B3GALT1: variants seen among roughly 807,000 people sequenced by gnomAD.
The protein encoded by B3GALT1 is UDP-Gal:betaGlcNAc beta 1,3-galactosyltransferase, polypeptide 1.
A neutral mutation model predicts 23.2 loss-of-function variants in B3GALT1; 10 were observed. That is an observed-to-expected ratio of 0.43 (90% CI 0.27 to 0.73). B3GALT1 has a LOEUF of 0.73. B3GALT1 is among the 30% of genes least tolerant of loss of function. The pLI is 0.21. For missense variants in B3GALT1, 299 were observed against 405.4 expected, an observed-to-expected ratio of 0.74 and a Z score of 2.25; for synonymous variants, 156 against 141.5, an observed-to-expected ratio of 1.10 and a Z score of -0.73.
intron 1 of B3GALT1, among the ~76,000 whole-genome samples, chr2:167,398,125 C>T (rs900010557): frequency 2.0e-5 from 3 of 152,018 alleles, no homozygotes; most frequent in African/African-American, 4.8e-5. Flanking sequence ...TATATAAATG[C>T]TTTATTCTTT....
At chr2:167,593,805 A>T (rs999676185) in intron 2 of B3GALT1, among the ~76,000 whole-genome samples, 5 of 152,238 alleles carry the variant, frequency 3.3e-5, no homozygotes, top group African/African-American at 1.2e-4. Context: ...TTTGGCAAGG[A>T]TGCTTTCAGG....
At chr2:167,857,384 A>G (rs1051735154) in intron 4 of B3GALT1, among the ~76,000 whole-genome samples, 1 of 152,116 alleles carries the variant, frequency 6.6e-6, no homozygotes, top group Non-Finnish European at 1.5e-5. Flanking sequence ...TTCAAGAGCA[A>G]TGTGAGTAGA....
intron 3 of B3GALT1, among the ~76,000 whole-genome samples, chr2:167,810,279 C>G (rs967570114): frequency 6.6e-6 from 1 of 150,866 alleles, no homozygotes; most frequent in South Asian, 2.1e-4. Context: ...TGCACTGCAC[C>G]CACTGTCCTG....
chr2:167,386,542 T>A (rs1463086037), intron 1 of B3GALT1, among the ~76,000 whole-genome samples: 1 of 152,102 alleles, frequency 6.6e-6, no homozygotes, highest in Non-Finnish European at 1.5e-5. Flanking sequence ...TCACCAGGTA[T>A]TGAAATTTTT....
chr2:167,662,074 TA>T (rs34648588), intron 3 of B3GALT1, among the ~76,000 whole-genome samples: 215 of 146,476 alleles, frequency 1.5e-3, no homozygotes, highest in South Asian at 6.2e-3. Context: ...TCAGAGATGT[TA>T]AAAAAAAAAA....
intron 3 of B3GALT1, among the ~76,000 whole-genome samples, chr2:167,717,485 T>C (rs1574228712): frequency 2.6e-5 from 1 of 38,686 alleles, no homozygotes; most frequent in Non-Finnish European, 4.9e-5. Context: ...TTATACATAG[T>C]TTTTTTTTTA....
At chr2:167,563,205 C>G (rs1301778440) in intron 2 of B3GALT1, among the ~76,000 whole-genome samples, 1 of 150,848 alleles carries the variant, frequency 6.6e-6, no homozygotes, top group African/African-American at 2.5e-5. Context: ...AGAGGGGCTC[C>G]TCACCTCCCA....
intron 2 of B3GALT1, among the ~76,000 whole-genome samples, chr2:167,566,869 C>T (rs976374384): frequency 6.6e-6 from 1 of 152,144 alleles, no homozygotes; most frequent in African/African-American, 2.4e-5. Flanking sequence ...AAATTGGTCT[C>T]TCCCCTTAAC....
intron 2 of B3GALT1, among the ~76,000 whole-genome samples, chr2:167,565,661 GA>G (rs1041843065): frequency 6.6e-6 from 1 of 151,978 alleles, no homozygotes; most frequent in East Asian, 1.9e-4. Context: ...AAATTTACAA[GA>G]AAAAAACAAC....
intron 3 of B3GALT1, among the ~76,000 whole-genome samples, chr2:167,780,329 A>G (rs1385009989): frequency 6.6e-6 from 1 of 152,210 alleles, no homozygotes; most frequent in East Asian, 1.9e-4. Context: ...TTGGCAAGGA[A>G]AAGGTTGAGA....
At chr2:167,642,893 T>A (rs1472317201) in intron 2 of B3GALT1, among the ~76,000 whole-genome samples, 1 of 152,152 alleles carries the variant, frequency 6.6e-6, no homozygotes, top group Non-Finnish European at 1.5e-5. Flanking sequence ...AATTTATAAG[T>A]GAATGAATCC....
At chr2:167,322,040 G>A (rs1696823328) in intron 1 of B3GALT1, among the ~76,000 whole-genome samples, 1 of 151,882 alleles carries the variant, frequency 6.6e-6, no homozygotes, top group Non-Finnish European at 1.5e-5. Flanking sequence ...ATTCTAATGA[G>A]GTACTAAAGG....
At chr2:167,641,447 C>T (rs555798854) in intron 2 of B3GALT1, among the ~76,000 whole-genome samples, 2 of 152,294 alleles carry the variant, frequency 1.3e-5, no homozygotes, top group South Asian at 4.1e-4. Context: ...GTTTTCTCAT[C>T]TCTAAAACTG....
At chr2:167,313,276 A>G (rs544103164) in intron 1 of B3GALT1, among the ~76,000 whole-genome samples, 11 of 152,220 alleles carry the variant, frequency 7.2e-5, no homozygotes, top group African/African-American at 1.9e-4. Context: ...TTTATAGAAG[A>G]AGGCAGAGGG....
At chr2:167,506,063 A>C (rs778650478) in intron 2 of B3GALT1, among the ~76,000 whole-genome samples, 11 of 152,158 alleles carry the variant, frequency 7.2e-5, no homozygotes, top group Non-Finnish European at 1.5e-4. Flanking sequence ...CCACCAAAAA[A>C]AAAAGACAGA....
rs547000096 is a variant in B3GALT1 at position 167,861,940 on chromosome 2, A to C, written c.-229-6871A>C. 5.8e-4 allele frequency among the ~76,000 whole-genome samples: 88 copies of C among 152,340 alleles called. 1 individual carries two copies. The highest frequency in any genetic ancestry group is 9.4e-4 in the Non-Finnish European group (64 of 68,026). On this transcript the variant is annotated intron_variant, in intron 4 of 4. Transcript: ENST00000392690. The stretch of plus-strand genomic sequence containing the variant: ...GTAGATTTAGAAATGCAAAGGAAAT[A>C]AGAAACTGGAGACATTCCTTGAGAC...
At chr2:167,628,399 TGTA>T (rs1685382798) in intron 2 of B3GALT1, among the ~76,000 whole-genome samples, 1 of 148,964 alleles carries the variant, frequency 6.7e-6, no homozygotes, top group African/African-American at 2.6e-5. Context: ...AAACATGGCT[TGTA>T]GTACCATTCA....
chr2:167,591,572 C>G (rs142294848), intron 2 of B3GALT1, among the ~76,000 whole-genome samples: 12 of 152,254 alleles, frequency 7.9e-5, no homozygotes, highest in African/African-American at 2.6e-4. Flanking sequence ...TGGGCTCGAG[C>G]AATCCTCCCA....
chr2:167,527,883 G>T (rs557253605), intron 2 of B3GALT1, among the ~76,000 whole-genome samples: 12 of 152,126 alleles, frequency 7.9e-5, no homozygotes, highest in Non-Finnish European at 1.5e-4. Context: ...GAATATTAAA[G>T]TTATTTGTTT....
Sources: allele counts gnomAD v4.1 joint callset (sites outside exome capture counted in the v4.1 genomes callset), GRCh38; gene constraint gnomAD v4.1.1; transcripts MANE v1.5; gene names NCBI Gene and HGNC (gene_info 2026-07-23, HGNC 2026-07-21).